Variants in SRBD1 observed in about 807,000 individuals in gnomAD.
The protein encoded by SRBD1 is S1 RNA binding domain 1.
Under a neutral mutation model 115.3 loss-of-function variants are expected in SRBD1, and 88 were observed. The observed-to-expected ratio is 0.76, with a 90% CI of 0.64 to 0.91. The LOEUF is 0.91. Among genes scored for constraint, SRBD1 ranks in the 40% least tolerant of loss-of-function variants. SRBD1 has a pLI of 0.00. For missense variants in SRBD1, 1,385 were observed against 1,177.4 expected, an observed-to-expected ratio of 1.18 and a Z score of -2.58; for synonymous variants, 509 against 407.7, an observed-to-expected ratio of 1.25 and a Z score of -2.99.
intron 19 of SRBD1, among the ~76,000 whole-genome samples, chr2:45,400,193 C>T (rs1182060105): frequency 6.6e-6 from 1 of 152,052 alleles, no homozygotes; most frequent in Non-Finnish European, 1.5e-5. Flanking sequence ...CAAAGTAACT[C>T]GCTTATGGTG....
rs367558918 is a variant in SRBD1, at chr2:45,418,374, G to A, written c.2324C>T (p.Thr775Met). Residue 775 changes from threonine to methionine, a missense_variant, in exon 18 of 21, where the codon ACG (threonine) becomes ATG (methionine). By Grantham distance (81) the Thr-to-Met change is moderately conservative. Coordinates refer to ENST00000263736, the MANE Select transcript of SRBD1 (RefSeq NM_018079.5). ...GTATACTTATACTCACCTGCAAAAC[G>A]TTCGGATATAATCCTGGTTGATTCT... is the stretch of plus-strand genomic sequence containing the variant. ...FIRINQDYIR[T>M]FCSQQTETSG... The A allele has an allele frequency of 5.8e-5, 93 of 1,613,166 alleles. No individual in the cohort carries two copies. Among genetic ancestry groups the A allele is most frequent in the Middle Eastern group, 1.6e-4 (1 of 6,078 alleles).
chr2:45,414,622 CAT>C (rs141278102), intron 18 of SRBD1, among the ~76,000 whole-genome samples: 15,143 of 127,638 alleles, frequency 0.12, 1,287 homozygotes, highest in African/African-American at 0.24. Context: ...TGTGTACACA[CAT>C]AGTGTGTATA....
intron 4 of SRBD1, among the ~76,000 whole-genome samples, chr2:45,588,033 C>T (rs1323624625): frequency 1.3e-5 from 2 of 152,158 alleles, no homozygotes; most frequent in African/African-American, 4.8e-5. Context: ...AAAATATTTC[C>T]TTACTCTGTC....
chr2:45,559,159 T>C (rs1672579698), intron 10 of SRBD1, among the ~76,000 whole-genome samples: 1 of 152,196 alleles, frequency 6.6e-6, no homozygotes, highest in Non-Finnish European at 1.5e-5. Context: ...CATAATCTCT[T>C]GTGCCATATC....
chr2:45,405,737 A>T (rs979994166), intron 19 of SRBD1, among the ~76,000 whole-genome samples: 1 of 98,430 alleles, frequency 1.0e-5, no homozygotes, highest in Non-Finnish European at 2.3e-5. Context: ...GATAGTGTCA[A>T]ATGTGGCAGA....
At chr2:45,580,559 C>G (rs1216284874) in intron 6 of SRBD1, among the ~76,000 whole-genome samples, 2 of 146,114 alleles carry the variant, frequency 1.4e-5, no homozygotes, top group East Asian at 3.9e-4. Flanking sequence ...CAGGGTTTCA[C>G]CATGTTGGCC....
chr2:45,477,087 G>A lies in SRBD1; in HGVS notation c.1967-12C>T. On this transcript the variant is annotated splice_polypyrimidine_tract_variant and intron_variant, in intron 15 of 20. Transcript: ENST00000263736. Reference sequence around the variant, plus strand: ...CCTTGCTATGGAAACTGAAAAAACAGAATCAGAAAACAAGTATGACTTAAT... The same window carrying A: ...CCTTGCTATGGAAACTGAAAAAACAAAATCAGAAAACAAGTATGACTTAAT... 6.2e-7 allele frequency: 1 copy of A among 1,611,010 alleles called. No individual in the cohort carries two copies. The highest frequency in any genetic ancestry group is 8.5e-7 in the Non-Finnish European group (1 of 1,178,188).
intron 10 of SRBD1, among the ~76,000 whole-genome samples, chr2:45,560,998 A>G (rs893245287): frequency 2.6e-5 from 4 of 151,992 alleles, no homozygotes; most frequent in African/African-American, 9.7e-5. Context: ...TCCCAGCTAC[A>G]CAGGAGACTA....
rs940986883 is a variant in SRBD1 at position 45,586,737 on chromosome 2, A to G, written c.649-963T>C. ...TTTTTTTTTTTTATTAGTGGAAATG[A>G]GGTCTTACTACATTGCCCAAGCTGG... On this transcript the variant is annotated intron_variant, in intron 4 of 20. Coordinates refer to ENST00000263736, the MANE Select transcript of SRBD1 (RefSeq NM_018079.5). 8.6e-5 allele frequency among the ~76,000 whole-genome samples: 13 copies of G among 150,974 alleles called. No homozygotes were observed. In the East Asian group the frequency reaches 1.7e-3, roughly 20 times the overall value.
chr2:45,477,924 CT>C (rs1669851906), intron 15 of SRBD1, among the ~76,000 whole-genome samples: 1 of 151,256 alleles, frequency 6.6e-6, no homozygotes, highest in Non-Finnish European at 1.5e-5. Flanking sequence ...TCAAACATTC[CT>C]TTAACTGTGT....
At chr2:45,564,023 A>G (rs1672750124) in intron 9 of SRBD1, among the ~76,000 whole-genome samples, 1 of 152,212 alleles carries the variant, frequency 6.6e-6, no homozygotes, top group African/African-American at 2.4e-5. Context: ...TCTCTTATGA[A>G]TATAGATGTA....
At chr2:45,606,157 C>CTTTTTTTTTTTTTTTTTTTTTTTTTTTTT (rs71394845) in intron 1 of SRBD1, among the ~76,000 whole-genome samples, 1 of 116,770 alleles carries the variant, frequency 8.6e-6, no homozygotes, top group African/African-American at 3.2e-5. Context: ...TTTTCCTATT[C>CTTTTTTTTTTTTTTTTTTTTTTTTTTTTT]TTTTTTTTTT....
chr2:45,433,394 A>C (rs71422157), intron 16 of SRBD1, among the ~76,000 whole-genome samples: 9,219 of 152,256 alleles, frequency 0.061, 422 homozygotes, highest in African/African-American at 0.11. Flanking sequence ...AAACATATAC[A>C]ATGTTATTTG....
chr2:45,419,028 G>A (rs1204770008), intron 17 of SRBD1, among the ~76,000 whole-genome samples: 1 of 152,108 alleles, frequency 6.6e-6, no homozygotes, highest in Admixed American at 6.5e-5. Flanking sequence ...GTCATGGTTA[G>A]TATAAATTAT....
intron 14 of SRBD1, among the ~76,000 whole-genome samples, chr2:45,519,142 G>C (rs1454413081): frequency 1.3e-5 from 2 of 151,994 alleles, no homozygotes; most frequent in Non-Finnish European, 2.9e-5. Flanking sequence ...CTCTACAAAG[G>C]TTAAACAAGA....
chr2:45,605,290 G>T (rs1452796101), intron 2 of SRBD1, 72 bp downstream of exon 2: 2 of 1,437,282 alleles, frequency 1.4e-6, no homozygotes, highest in East Asian at 4.6e-5. Flanking sequence ...GAGTTAGAAA[G>T]TGACAGAATG....
At chr2:45,501,683 T>C (rs554210406) in intron 14 of SRBD1, among the ~76,000 whole-genome samples, 20 of 152,290 alleles carry the variant, frequency 1.3e-4, no homozygotes, top group Admixed American at 1.1e-3. Flanking sequence ...CACAGAGCCT[T>C]GCTCATTGGT....
intron 16 of SRBD1, among the ~76,000 whole-genome samples, chr2:45,457,439 T>C (rs1453192799): frequency 6.6e-6 from 1 of 151,972 alleles, no homozygotes; most frequent in African/African-American, 2.4e-5. Context: ...GCCCTAAGAA[T>C]ACATGCACAG....
intron 16 of SRBD1, among the ~76,000 whole-genome samples, chr2:45,425,280 A>C (rs985953475): frequency 1.3e-5 from 2 of 152,206 alleles, no homozygotes; most frequent in African/African-American, 2.4e-5. Context: ...CATTGTTGTA[A>C]AGCTTTATAA....
Sources: gnomAD v4.1 joint callset for allele counts (sites outside exome capture counted in the v4.1 genomes callset) on GRCh38, gnomAD v4.1.1 for gene constraint, MANE v1.5 for transcripts, NCBI Gene and HGNC (gene_info 2026-07-23, HGNC 2026-07-21) for gene names.